Variants in TNFSF4 observed in about 807,000 individuals in gnomAD.
The protein encoded by TNFSF4 is TNF superfamily member 4, also known as tumor necrosis factor ligand superfamily member 4.
TNFSF4 carries 4 observed loss-of-function variants against 7.3 expected under a neutral mutation model. That is an observed-to-expected ratio of 0.55 (90% confidence interval 0.27 to 1.25). TNFSF4 has a LOEUF of 1.25. Ranked by LOEUF, TNFSF4 falls within the 50% of genes most tolerant of loss-of-function variation. TNFSF4 has a pLI of 0.12. For synonymous variants in TNFSF4, 76 were observed against 83.7 expected, an observed-to-expected ratio of 0.91 and a Z score of 0.50; for missense variants, 181 against 208.8, an observed-to-expected ratio of 0.87 and a Z score of 0.82.
chr1:173,416,798 T>C, the TNFSF4 span, among the ~76,000 whole-genome samples: 11 of 152,060 alleles, frequency 7.2e-5, no homozygotes, highest in African/African-American at 2.7e-4. Flanking sequence ...GGTTTCGCCA[T>C]GTTGCCTAGG....
chr1:173,405,487 T>C, the TNFSF4 span, among the ~76,000 whole-genome samples: 1 of 152,208 alleles, frequency 6.6e-6, no homozygotes, highest in African/African-American at 2.4e-5. Flanking sequence ...CCAGAATCTA[T>C]TAAGGGCTCA....
chr1:173,201,737 G>A (rs1021510992), intron 1 of TNFSF4, among the ~76,000 whole-genome samples: 1 of 152,092 alleles, frequency 6.6e-6, no homozygotes, highest in Admixed American at 6.6e-5. Context: ...ATAAGCAAAT[G>A]TTTTAATTCC....
chr1:173,344,759 G>T, the TNFSF4 span, among the ~76,000 whole-genome samples: 1 of 152,158 alleles, frequency 6.6e-6, no homozygotes, highest in Non-Finnish European at 1.5e-5. Flanking sequence ...GAGGACAAGA[G>T]GGAATAAAGC....
chr1:173,281,330 C>T, the TNFSF4 span, among the ~76,000 whole-genome samples: 1 of 152,244 alleles, frequency 6.6e-6, no homozygotes, highest in Non-Finnish European at 1.5e-5. Flanking sequence ...CCATGCTTAA[C>T]AAACTTAGTA....
chr1:173,391,435 CAAAAAAAAAAAAAAAAA>C, the TNFSF4 span, among the ~76,000 whole-genome samples: 8 of 108,818 alleles, frequency 7.4e-5, no homozygotes, highest in Admixed American at 3.1e-4. Flanking sequence ...CCTTAGAAAG[CAAAAAAAAAAAAAAAAA>C]AAAAAAAAAA....
the TNFSF4 span, among the ~76,000 whole-genome samples, chr1:173,389,549 A>G: frequency 6.6e-6 from 1 of 152,186 alleles, no homozygotes; most frequent in African/African-American, 2.4e-5. Flanking sequence ...ACAAAAACAT[A>G]CAAGCAAGCC....
the TNFSF4 span, among the ~76,000 whole-genome samples, chr1:173,221,979 G>T: frequency 1.3e-5 from 2 of 152,182 alleles, no homozygotes; most frequent in Admixed American, 1.3e-4. Flanking sequence ...AGGGTTAAGT[G>T]AGGCAAAGCA....
the TNFSF4 span, among the ~76,000 whole-genome samples, chr1:173,292,551 C>G: frequency 6.6e-6 from 1 of 151,946 alleles, no homozygotes; most frequent in Non-Finnish European, 1.5e-5. Context: ...AAGCTGGAAG[C>G]TGGAAGCATT....
chr1:173,424,007 G>C, the TNFSF4 span, among the ~76,000 whole-genome samples: 9 of 151,712 alleles, frequency 5.9e-5, no homozygotes, highest in African/African-American at 2.2e-4. Context: ...AGGGCAAAAA[G>C]GGGGGTGAAT....
the TNFSF4 span, among the ~76,000 whole-genome samples, chr1:173,432,175 G>T: frequency 6.6e-6 from 1 of 152,104 alleles, no homozygotes; most frequent in Non-Finnish European, 1.5e-5. Flanking sequence ...AAGGGCGAGG[G>T]GTTGCTCCCC....
At chr1:173,256,620 C>T in the TNFSF4 span, among the ~76,000 whole-genome samples, 32,391 of 152,084 alleles carry the variant, frequency 0.21, 3,783 homozygotes, top group Admixed American at 0.32. Context: ...CTTTCACAGC[C>T]TGATGTAGAT....
chr1:173,399,879 C>T, the TNFSF4 span, among the ~76,000 whole-genome samples: 3 of 152,178 alleles, frequency 2.0e-5, no homozygotes, highest in Non-Finnish European at 4.4e-5. Context: ...GTCCAATATG[C>T]CAGCAGCAGA....
At chr1:173,378,482 T>G in the TNFSF4 span, among the ~76,000 whole-genome samples, 6 of 152,186 alleles carry the variant, frequency 3.9e-5, no homozygotes, top group Non-Finnish European at 5.9e-5. Flanking sequence ...AAATGTATTC[T>G]AAGCCATTGG....
the TNFSF4 span, among the ~76,000 whole-genome samples, chr1:173,177,941 G>A: frequency 6.6e-6 from 1 of 152,228 alleles, no homozygotes; most frequent in East Asian, 1.9e-4. Context: ...CTTGAATGAT[G>A]GTTACACATC....
intron 1 of TNFSF4, among the ~76,000 whole-genome samples, chr1:173,196,251 A>G (rs1571194719): frequency 6.6e-6 from 1 of 152,200 alleles, no homozygotes; most frequent in African/African-American, 2.4e-5. Context: ...TCATATTCAG[A>G]AAGACTTATC....
the TNFSF4 span, among the ~76,000 whole-genome samples, chr1:173,356,216 T>C: frequency 6.6e-6 from 1 of 152,202 alleles, no homozygotes; most frequent in Non-Finnish European, 1.5e-5. Flanking sequence ...GACATCTTTG[T>C]CTCTACCAAG....
At chr1:173,318,135 T>G in the TNFSF4 span, among the ~76,000 whole-genome samples, 55 of 152,276 alleles carry the variant, frequency 3.6e-4, no homozygotes, top group African/African-American at 1.3e-3. Flanking sequence ...ATAAAATTAC[T>G]ACCAAATGTT....
At chr1:173,379,984 G>A in the TNFSF4 span, among the ~76,000 whole-genome samples, 1 of 152,208 alleles carries the variant, frequency 6.6e-6, no homozygotes, top group Non-Finnish European at 1.5e-5. Flanking sequence ...GCAAGCGCCA[G>A]CTCATGTCAT....
At chr1:173,419,682 C>T in the TNFSF4 span, among the ~76,000 whole-genome samples, 1 of 152,102 alleles carries the variant, frequency 6.6e-6, no homozygotes, top group Non-Finnish European at 1.5e-5. Flanking sequence ...CCCTGCAGGG[C>T]TTGGAAAGAC....
Sources: allele counts gnomAD v4.1 joint callset (sites outside exome capture counted in the v4.1 genomes callset), GRCh38; gene constraint gnomAD v4.1.1; transcripts MANE v1.5; gene names NCBI Gene and HGNC (gene_info 2026-07-23, HGNC 2026-07-21).